Variants in ZCCHC7 observed in about 807,000 individuals in gnomAD.
ZCCHC7 encodes the protein zinc finger CCHC-type containing 7.
In ZCCHC7, 35 loss-of-function variants were observed where a neutral mutation model predicts 52.0. The ratio of observed to expected loss-of-function variants is 0.67; its 90% CI spans 0.51 to 0.89. ZCCHC7 has a LOEUF of 0.89. Ranked by LOEUF, ZCCHC7 falls within the 40% of genes least tolerant of loss-of-function variation. The pLI, the probability that ZCCHC7 is intolerant of heterozygous loss-of-function variation, is 0.00. For missense variants in ZCCHC7, 574 were observed against 649.1 expected (o/e 0.88, Z 1.26); for synonymous variants, 217 against 221.5 (o/e 0.98, Z 0.18).
intron 2 of ZCCHC7, among the ~76,000 whole-genome samples, chr9:37,259,010 G>A (rs1826736353): frequency 6.6e-6 from 1 of 152,018 alleles, no homozygotes; most frequent in African/African-American, 2.4e-5. Flanking sequence ...AGTTTTGTAA[G>A]ACAATAGGCA....
At chr9:37,294,854 T>G (rs1564233871) in intron 2 of ZCCHC7, among the ~76,000 whole-genome samples, 1 of 152,312 alleles carries the variant, frequency 6.6e-6, no homozygotes, top group Admixed American at 6.5e-5. Context: ...TTTATTGACA[T>G]AGCCCTTAAT....
intron 2 of ZCCHC7, among the ~76,000 whole-genome samples, chr9:37,206,368 G>C (rs7861986): frequency 2.3e-5 from 3 of 131,180 alleles, no homozygotes; most frequent in African/African-American, 8.5e-5. Flanking sequence ...CACCTTTCCC[G>C]CTTCGTTTTG....
intron 2 of ZCCHC7, among the ~76,000 whole-genome samples, chr9:37,231,444 C>CT (rs1825401449): frequency 6.6e-6 from 1 of 152,020 alleles, no homozygotes; most frequent in African/African-American, 2.4e-5. Flanking sequence ...GTTGGTGTTG[C>CT]TATCGAGATC....
At chr9:37,318,501 A>T (rs1366531864) in intron 5 of ZCCHC7, among the ~76,000 whole-genome samples, 1 of 151,812 alleles carries the variant, frequency 6.6e-6, no homozygotes, top group Non-Finnish European at 1.5e-5. Flanking sequence ...TGATATTGAA[A>T]TATAAATAAG....
At chr9:37,297,336 ATCTT>A (rs1828835113) in intron 2 of ZCCHC7, among the ~76,000 whole-genome samples, 1 of 152,208 alleles carries the variant, frequency 6.6e-6, no homozygotes, top group South Asian at 2.1e-4. Flanking sequence ...TGTCTAAGAC[ATCTT>A]TCTGTCTCCA....
At chr9:37,168,424 C>G (rs1463928007) in intron 2 of ZCCHC7, among the ~76,000 whole-genome samples, 1 of 152,080 alleles carries the variant, frequency 6.6e-6, no homozygotes. Flanking sequence ...TAGACTGTTT[C>G]ACCTATCCCT....
chr9:37,337,413 CCCA>C (rs1445149680), intron 6 of ZCCHC7, among the ~76,000 whole-genome samples: 3 of 121,480 alleles, frequency 2.5e-5, no homozygotes, highest in African/African-American at 9.2e-5. Context: ...CCCCCCCCCC[CCCA>C]AAAAAAATGA....
intron 2 of ZCCHC7, among the ~76,000 whole-genome samples, chr9:37,178,400 A>G (rs868334541): frequency 2.2e-4 from 14 of 62,808 alleles, no homozygotes; most frequent in Admixed American, 3.5e-4. Flanking sequence ...GCCGCCCCCT[A>G]CCCCCCACCA....
intron 2 of ZCCHC7, among the ~76,000 whole-genome samples, chr9:37,281,102 C>T (rs1342605656): frequency 2.0e-5 from 3 of 152,094 alleles, no homozygotes; most frequent in Non-Finnish European, 4.4e-5. Flanking sequence ...TATCTACTCC[C>T]ATGTATAGTT....
At chr9:37,187,799 T>A (rs547418565) in intron 2 of ZCCHC7, among the ~76,000 whole-genome samples, 4 of 152,110 alleles carry the variant, frequency 2.6e-5, no homozygotes, top group East Asian at 1.9e-4. Context: ...TTTTTTTTTT[T>A]AAATTTTCGA....
In ZCCHC7 at chr9:37,126,388, A is replaced by G. The variant is rs1374993529; in HGVS notation, c.56A>G (p.Asp19Gly). The G allele has an allele frequency of 6.2e-7, 1 of 1,614,112 alleles. No individual in the cohort carries two copies. Among genetic ancestry groups the G allele is most frequent in the Non-Finnish European group, 8.5e-7 (1 of 1,180,016 alleles). Reference protein sequence around the residue: ...IEAYEDDLYRDESSSELSVDS... With the variant: ...IEAYEDDLYRGESSSELSVDS... ...GCATACGAAGATGATCTTTATCGAG[A>G]TGAGTCATCTAGTGAACTGAGTGTT... The change falls in exon 2 of 9, where the codon GAT becomes GGT. Residue 19 changes from aspartate to glycine, a missense_variant. By Grantham distance (94) the Asp-to-Gly change is moderately conservative. This residue lies in a region of ZCCHC7 where 403 missense variants were observed against 461.2 expected (regional missense o/e 0.87). Coordinates refer to ENST00000336755, the MANE Select transcript of ZCCHC7 (RefSeq NM_032226.3).
chr9:37,170,981 C>A (rs1418304011), intron 2 of ZCCHC7, among the ~76,000 whole-genome samples: 3 of 151,984 alleles, frequency 2.0e-5, no homozygotes, highest in Non-Finnish European at 4.4e-5. Context: ...TTCTCCTGTT[C>A]TAGAGAAAAA....
intron 2 of ZCCHC7, among the ~76,000 whole-genome samples, chr9:37,298,358 C>T (rs979038823): frequency 1.3e-5 from 2 of 152,132 alleles, no homozygotes; most frequent in African/African-American, 4.8e-5. Context: ...GAGATTCGGC[C>T]AGGACATATA....
chr9:37,260,108 A>C (rs1826793819), intron 2 of ZCCHC7, among the ~76,000 whole-genome samples: 1 of 152,218 alleles, frequency 6.6e-6, no homozygotes, highest in African/African-American at 2.4e-5. Flanking sequence ...ATGCTGACAA[A>C]GGTTTTACTC....
chr9:37,337,062 A>G lies in ZCCHC7; in HGVS notation c.987+9228A>G, dbSNP rs573816979. Among the ~76,000 whole-genome samples, 3 of 152,288 alleles carry G rather than the reference A, an allele frequency of 2.0e-5. No individual in the cohort carries two copies. In the South Asian group the frequency reaches 6.2e-4, roughly 32 times the overall value. The stretch of plus-strand genomic sequence containing the variant: ...TTTAACCTTTCAATTTAGAGGGCAC[A>G]AAGCCTGGCTGATTAATGAACTTTC... On this transcript the variant is annotated intron_variant, in intron 6 of 8. Transcript: ENST00000336755.
intron 1 of ZCCHC7, among the ~76,000 whole-genome samples, chr9:37,122,913 G>C (rs905191754): frequency 1.3e-5 from 2 of 152,354 alleles, no homozygotes; most frequent in African/African-American, 4.8e-5. Flanking sequence ...CTCTCACCTG[G>C]GGGACAGAAC....
At chr9:37,199,710 GTCTTTCTTTCTT>G (rs529640378) in intron 2 of ZCCHC7, among the ~76,000 whole-genome samples, 15 of 114,102 alleles carry the variant, frequency 1.3e-4, no homozygotes, top group African/African-American at 2.6e-4. Flanking sequence ...CTTTCTTTCT[GTCTTTCTTTCTT>G]TCTTTCTCCT....
At chr9:37,192,863 T>A (rs1400186974) in intron 2 of ZCCHC7, among the ~76,000 whole-genome samples, 1 of 152,230 alleles carries the variant, frequency 6.6e-6, no homozygotes, top group African/African-American at 2.4e-5. Context: ...TACATTGGGA[T>A]TATTCTTTAG....
intron 2 of ZCCHC7, among the ~76,000 whole-genome samples, chr9:37,203,196 C>G (rs956853324): frequency 2.0e-5 from 3 of 152,156 alleles, no homozygotes; most frequent in African/African-American, 7.2e-5. Context: ...CAGATTTCCT[C>G]ATTTGTAAAA....
Sources: gnomAD v4.1 joint callset for allele counts (sites outside exome capture counted in the v4.1 genomes callset) on GRCh38, gnomAD v4.1.1 for gene constraint, gnomAD v4.1.1 regional missense constraint, MANE v1.5 for transcripts, NCBI Gene and HGNC (gene_info 2026-07-23, HGNC 2026-07-21) for gene names.